The following ANO2 variants were observed in gnomAD, a reference collection of about 807,000 sequenced individuals.
ANO2 encodes anoctamin 2.
ANO2 carries 101 observed loss-of-function variants against 124.2 expected under a neutral mutation model. That is an observed-to-expected ratio of 0.81 (90% CI 0.69 to 0.96). The LOEUF is 0.96. Among genes scored for constraint, ANO2 ranks in the 40% least tolerant of loss-of-function variants. The pLI, the probability that ANO2 is intolerant of heterozygous loss-of-function variation, is 0.00. For missense variants in ANO2, 1,293 were observed against 1,274.5 expected (o/e 1.01, Z -0.22); for synonymous variants, 486 against 482.5 (o/e 1.01, Z -0.09).
chr12:5,664,803 T>G (rs55643000), intron 14 of ANO2, among the ~76,000 whole-genome samples: 7,473 of 152,288 alleles, frequency 0.049, 311 homozygotes, highest in Admixed American at 0.13. Context: ...CTCTCTCTCT[T>G]TTAGGGAATT....
In ANO2 at chr12:5,565,774, G is replaced by GGCATT; in HGVS notation, c.2622-116_2622-112dup. On this transcript the variant is annotated intron_variant, in intron 23 of 24. Coordinates refer to ENST00000682330, the MANE Select transcript of ANO2 (RefSeq NM_001364791.2). ...TGGAGCATCAGGCACGCATGCCCTT[G>GGCATT]GCATTGACTTGAGAAGCAGGGGGAA... The GGCATT allele has an allele frequency of 1.1e-5, 9 of 819,014 alleles. No homozygotes were observed. The South Asian group carries it at 1.6e-4, about 14-fold the overall frequency. 50.7% of individuals were successfully genotyped at this position (819,014 alleles called of 1,614,324 possible). A position where few individuals can be genotyped will look rare whatever the true frequency, so the allele number is the denominator to read the frequency against.
chr12:5,905,410 G>A lies in ANO2; in HGVS notation c.534+15630C>T, dbSNP rs530259858. 6.3e-3 allele frequency among the ~76,000 whole-genome samples: 956 copies of A among 152,306 alleles called. 16 individuals are homozygous for A. The highest frequency in any genetic ancestry group is 0.022 in the African/African-American group (913 of 41,564). ...TTAAATGAGTTACTTTATGTTCCTA[G>A]CACAGTAGAAGCATCTCTTATTACT... On this transcript the variant is annotated intron_variant, in intron 3 of 24. Transcript: ENST00000682330.
chr12:5,598,693 T>G (rs1410328351), intron 20 of ANO2, among the ~76,000 whole-genome samples: 1 of 152,240 alleles, frequency 6.6e-6, no homozygotes, highest in South Asian at 2.1e-4. Context: ...CCTATGCTTT[T>G]AATTCATTAG....
At chr12:5,732,289 A>G (rs1950672834) in intron 14 of ANO2, among the ~76,000 whole-genome samples, 1 of 152,080 alleles carries the variant, frequency 6.6e-6, no homozygotes, top group Non-Finnish European at 1.5e-5. Context: ...CTGCCCTCCC[A>G]TTTTGACCAG....
intron 14 of ANO2, among the ~76,000 whole-genome samples, chr12:5,697,191 TG>T (rs1241588994): frequency 7.2e-5 from 11 of 152,142 alleles, no homozygotes; most frequent in Non-Finnish European, 1.6e-4. Flanking sequence ...CCCAGCACTC[TG>T]GGAGGCCGAG....
At chr12:5,906,903 T>C (rs907186473) in intron 3 of ANO2, among the ~76,000 whole-genome samples, 1 of 152,210 alleles carries the variant, frequency 6.6e-6, no homozygotes, top group African/African-American at 2.4e-5. Flanking sequence ...GCGGCAAGCA[T>C]AGCTCTAGAA....
At position 5,710,888 on chromosome 12, in the gene ANO2, G is replaced by A. The variant is rs564921072; in HGVS notation, c.1545+21632C>T. On this transcript the variant is annotated intron_variant, in intron 14 of 24. Transcript: ENST00000682330. ...TTTGAAATTGATCCCTGGGCCGGGC[G>A]CGGTGGCTCACACCTGTAATCCCAG... is the stretch of plus-strand genomic sequence containing the variant. 2.6e-4 allele frequency among the ~76,000 whole-genome samples: 39 copies of A among 152,274 alleles called. No homozygotes were observed. In the South Asian group the frequency reaches 6.0e-3, roughly 23 times the overall value.
chr12:5,610,819 TACACACACACACACAC>T (rs766401385), intron 19 of ANO2, among the ~76,000 whole-genome samples: 6 of 110,862 alleles, frequency 5.4e-5, no homozygotes, highest in Admixed American at 9.5e-5. Flanking sequence ...GAGTTGTCCA[TACACACACACACACAC>T]ACACACACAC....
chr12:5,776,535 G>A (rs1416500283), intron 10 of ANO2, among the ~76,000 whole-genome samples: 4 of 152,184 alleles, frequency 2.6e-5, no homozygotes, highest in East Asian at 1.9e-4. Flanking sequence ...CATCTTCCAC[G>A]TGTCAAGTAA....
chr12:5,914,172 C>T (rs1941235960), intron 3 of ANO2, among the ~76,000 whole-genome samples: 1 of 151,334 alleles, frequency 6.6e-6, no homozygotes, highest in African/African-American at 2.4e-5. Flanking sequence ...TGCACTCCAG[C>T]CTAGGTGACA....
chr12:5,563,686 T>C, intron 24 of ANO2, 118 bp from the exon 25 acceptor site: 1 of 1,308,336 alleles, frequency 7.6e-7, no homozygotes, highest in African/African-American at 1.5e-5. Context: ...AGCCCAGTGA[T>C]CGCAACCAGT....
intron 7 of ANO2, among the ~76,000 whole-genome samples, chr12:5,810,657 C>A (rs1480697991): frequency 6.6e-6 from 1 of 152,200 alleles, no homozygotes; most frequent in Non-Finnish European, 1.5e-5. Flanking sequence ...TCTCCCTTAA[C>A]AGGAACAACG....
chr12:5,736,221 G>T (rs1292976139), intron 13 of ANO2, among the ~76,000 whole-genome samples: 1 of 152,174 alleles, frequency 6.6e-6, no homozygotes, highest in Non-Finnish European at 1.5e-5. Context: ...CCCACCCTCA[G>T]AAGAAAGCAG....
intron 14 of ANO2, among the ~76,000 whole-genome samples, chr12:5,687,062 C>G (rs1221348654): frequency 6.6e-6 from 1 of 152,168 alleles, no homozygotes; most frequent in Non-Finnish European, 1.5e-5. Flanking sequence ...GGGATGCCAT[C>G]TAGGAAATAT....
intron 6 of ANO2, 67 bp from the exon 7 acceptor site, chr12:5,827,887 T>C: frequency 6.5e-7 from 1 of 1,541,216 alleles, no homozygotes. Context: ...TGTGTCACCC[T>C]CACCACTGCC....
chr12:5,766,103 TA>T lies in ANO2; in HGVS notation c.1056-15134del, dbSNP rs1485837679. Among the ~76,000 whole-genome samples the T allele has an allele frequency of 2.0e-5, 3 of 152,224 alleles. No homozygotes were observed. In the East Asian group the frequency reaches 5.8e-4, roughly 29 times the overall value. ...AACCAGAACTCCCACATAGTTCTGG[TA>T]AGCTATAAACAGGTACAGGTATTTT... is the stretch of plus-strand genomic sequence containing the variant. On this transcript the variant is annotated intron_variant, in intron 10 of 24. Transcript: ENST00000682330.
intron 3 of ANO2, among the ~76,000 whole-genome samples, chr12:5,878,133 T>G (rs1190714225): frequency 6.6e-6 from 1 of 152,236 alleles, no homozygotes; most frequent in Admixed American, 6.5e-5. Context: ...TTTACTACAA[T>G]CACTACTATG....
intron 4 of ANO2, 86 bp downstream of exon 4, chr12:5,853,957 C>T (rs966445400): frequency 3.4e-6 from 3 of 872,496 alleles, no homozygotes; most frequent in African/African-American, 3.7e-5. Flanking sequence ...TCCACAAAAC[C>T]CACATCCCAC....
chr12:5,607,087 C>G lies in ANO2; in HGVS notation c.2087+5569G>C, dbSNP rs142104739. Among the ~76,000 whole-genome samples the G allele has an allele frequency of 2.6e-3, 402 of 151,946 alleles. 4 individuals carry two copies. The highest frequency in any genetic ancestry group is 9.0e-3 in the African/African-American group (372 of 41,450). ...TTAAAAAAAAAAAAAACAAATCTGG[C>G]CTTTAAAATGAATATGTACCTCCCT... On this transcript the variant is annotated intron_variant, in intron 19 of 24. Transcript: ENST00000682330.
Sources: gnomAD v4.1 joint callset for allele counts (sites outside exome capture counted in the v4.1 genomes callset) on GRCh38, gnomAD v4.1.1 for gene constraint, MANE v1.5 for transcripts, NCBI Gene and HGNC (gene_info 2026-07-23, HGNC 2026-07-21) for gene names.